The following RBM33 variants were observed in gnomAD, a reference collection of about 807,000 sequenced individuals.
RBM33 encodes the protein RNA binding motif protein 33.
RBM33 carries 28 observed loss-of-function variants against 132.6 expected under a neutral mutation model. The ratio of observed to expected loss-of-function variants is 0.21; its 90% confidence interval spans 0.16 to 0.29. The LOEUF is 0.29. Among genes scored for constraint, RBM33 ranks in the 10% least tolerant of loss-of-function variants. The probability of loss-of-function intolerance (pLI) is 1.00; values close to 1 mark genes in which losing one functional copy is unlikely to be tolerated. For missense variants in RBM33, 1,291 were observed against 1,518.5 expected (o/e 0.85, Z 2.49); for synonymous variants, 634 against 593.0 (o/e 1.07, Z -1.01).
chr7:155,686,692 A>G (rs1310712104), intron 5 of RBM33, among the ~76,000 whole-genome samples: 1 of 151,488 alleles, frequency 6.6e-6, no homozygotes, highest in Non-Finnish European at 1.5e-5. Context: ...AAGTGTTCTC[A>G]TTGTTCAGTT....
At chr7:155,771,854 C>T (rs1802436922) in intron 16 of RBM33, among the ~76,000 whole-genome samples, 1 of 151,938 alleles carries the variant, frequency 6.6e-6, no homozygotes, top group East Asian at 1.9e-4. Context: ...ATCCTTCCGC[C>T]TCAGCCTTCT....
chr7:155,675,503 T>C (rs1050727535), intron 3 of RBM33, among the ~76,000 whole-genome samples: 9 of 152,000 alleles, frequency 5.9e-5, no homozygotes, highest in African/African-American at 1.7e-4. Context: ...TGCTTATGAC[T>C]TTTTTTTAAA....
intron 16 of RBM33, among the ~76,000 whole-genome samples, chr7:155,770,705 T>C (rs1802398759): frequency 6.6e-6 from 1 of 152,018 alleles, no homozygotes; most frequent in Non-Finnish European, 1.5e-5. Context: ...TGTAATCCTG[T>C]AACATTTTAG....
intron 1 of RBM33, among the ~76,000 whole-genome samples, chr7:155,648,272 T>A (rs1798256820): frequency 6.6e-6 from 1 of 152,218 alleles, no homozygotes; most frequent in South Asian, 2.1e-4. Flanking sequence ...CAAGATACAC[T>A]GCTGGGATGA....
chr7:155,663,476 G>A (rs1451092953), intron 1 of RBM33, among the ~76,000 whole-genome samples: 2 of 151,968 alleles, frequency 1.3e-5, no homozygotes, highest in Non-Finnish European at 2.9e-5. Flanking sequence ...GCAGAGGCGG[G>A]GAGGGGTGCC....
chr7:155,754,981 T>A (rs1563177605), intron 14 of RBM33, among the ~76,000 whole-genome samples: 2 of 152,220 alleles, frequency 1.3e-5, no homozygotes, highest in Non-Finnish European at 2.9e-5. Flanking sequence ...AGAAAGAGAA[T>A]GTGAGCCTGT....
intron 5 of RBM33, chr7:155,684,893 C>G: frequency 6.5e-7 from 1 of 1,541,714 alleles, no homozygotes; most frequent in Non-Finnish European, 8.7e-7. Flanking sequence ...CACCCCAAAG[C>G]TGTATGAGAA....
intron 16 of RBM33, among the ~76,000 whole-genome samples, chr7:155,771,634 C>T (rs1291790991): frequency 6.6e-6 from 1 of 152,246 alleles, no homozygotes; most frequent in African/African-American, 2.4e-5. Context: ...CCTCATTTCA[C>T]ATTGTGAAAT....
intron 14 of RBM33, among the ~76,000 whole-genome samples, chr7:155,750,929 T>C (rs1801669919): frequency 1.3e-5 from 2 of 152,196 alleles, no homozygotes; most frequent in African/African-American, 4.8e-5. Context: ...AAGCCAGCTG[T>C]CCAATTGTGA....
At chr7:155,734,941 G>A (rs902807936) in intron 9 of RBM33, among the ~76,000 whole-genome samples, 1 of 151,980 alleles carries the variant, frequency 6.6e-6, no homozygotes, top group Non-Finnish European at 1.5e-5. Flanking sequence ...CTAATTTATT[G>A]TCATTCAGAA....
Position 155,716,316 on chromosome 7 carries a change from G to GGTTTTTTT in RBM33, c.1202-2069_1202-2068insGTTTTTTT, listed in dbSNP as rs1554477957. Among the ~76,000 whole-genome samples, 26 of 102,380 alleles carry GGTTTTTTT rather than the reference G, an allele frequency of 2.5e-4. 1 individual carries two copies. The highest frequency in any genetic ancestry group is 8.3e-4 in the African/African-American group (21 of 25,380). 67.2% of individuals were successfully genotyped at this position (102,380 alleles called of 152,430 possible). On this transcript the variant is annotated intron_variant, in intron 8 of 17. Transcript: ENST00000401878. ...TGTCAGCTGTTTTTCCTTTTCTGCT[G>GGTTTTTTT]TTTTTTTTTTTTTTTTAAATAGGGA...
At chr7:155,762,512 T>A (rs1802069595) in intron 14 of RBM33, among the ~76,000 whole-genome samples, 1 of 152,228 alleles carries the variant, frequency 6.6e-6, no homozygotes. Context: ...GAGAGAAGAT[T>A]TGCAGACATT....
intron 2 of RBM33, 37 bp from the exon 3 acceptor site, chr7:155,672,830 G>A (rs1375991772): frequency 2.0e-6 from 3 of 1,482,340 alleles, no homozygotes; most frequent in Non-Finnish European, 2.8e-6. Context: ...AGTCTTATGG[G>A]AATAATCATT....
rs1802815820 is a variant in RBM33, at chr7:155,781,095, C to G, written c.*6054C>G. ...TGTTACTGCTTTGCCGACGGGGCCT[C>G]CCGGCCCTGATGCGTGTACACTCTG... On this transcript the variant is annotated 3_prime_UTR_variant, in exon 18 of 18. Coordinates refer to ENST00000401878, the MANE Select transcript of RBM33 (RefSeq NM_053043.3). The G allele has an allele frequency of 6.5e-6, 1 of 152,754 alleles. No homozygotes were observed. Among genetic ancestry groups the G allele is most frequent in the African/African-American group, 2.4e-5 (1 of 41,478 alleles). The allele number at this position is 152,754 out of a possible 1,614,324, so 9.5% of individuals were successfully genotyped here.
chr7:155,768,631 T>C (rs1475216837), intron 16 of RBM33, among the ~76,000 whole-genome samples: 1 of 152,244 alleles, frequency 6.6e-6, no homozygotes, highest in African/African-American at 2.4e-5. Context: ...TGTTTTTGTT[T>C]TTGGAGACGG....
At chr7:155,658,678 C>T (rs557958756) in intron 1 of RBM33, among the ~76,000 whole-genome samples, 1 of 152,286 alleles carries the variant, frequency 6.6e-6, no homozygotes, top group East Asian at 1.9e-4. Context: ...GGATTATAGG[C>T]GTGAGCCACC....
chr7:155,736,972 T>C (rs1801143912), intron 9 of RBM33, among the ~76,000 whole-genome samples: 2 of 152,208 alleles, frequency 1.3e-5, no homozygotes, highest in Admixed American at 6.5e-5. Context: ...GTGTAACAGT[T>C]TTTATGTTAA....
intron 6 of RBM33, among the ~76,000 whole-genome samples, chr7:155,702,708 C>T (rs1800003348): frequency 1.3e-5 from 2 of 152,058 alleles, no homozygotes; most frequent in African/African-American, 4.8e-5. Context: ...AACCCACAGC[C>T]ACCACCTGGA....
chr7:155,665,136 T>C (rs768279536), intron 1 of RBM33, 39 bp from the exon 2 acceptor site: 1 of 1,566,700 alleles, frequency 6.4e-7, no homozygotes, highest in Non-Finnish European at 8.8e-7. Flanking sequence ...GTGTCTATTT[T>C]AACTTAGTAA....
Sources: allele counts gnomAD v4.1 joint callset (sites outside exome capture counted in the v4.1 genomes callset), GRCh38; gene constraint gnomAD v4.1.1; transcripts MANE v1.5; gene names NCBI Gene and HGNC (gene_info 2026-07-23, HGNC 2026-07-21).